Variants in CPED1 observed in about 807,000 individuals in gnomAD.
The protein encoded by CPED1 is cadherin-like and PC-esterase domain-containing protein 1.
Under a neutral mutation model 128.2 loss-of-function variants are expected in CPED1, and 114 were observed. That is an observed-to-expected ratio of 0.89 (90% CI 0.76 to 1.04). CPED1 has a LOEUF of 1.04. Ranked by LOEUF, CPED1 falls within the 50% of genes least tolerant of loss-of-function variation. The pLI, the probability that CPED1 is intolerant of heterozygous loss-of-function variation, is 0.00. For synonymous variants in CPED1, 462 were observed against 426.7 expected, an observed-to-expected ratio of 1.08 and a Z score of -1.02; for missense variants, 1,211 against 1,207.1, an observed-to-expected ratio of 1.00 and a Z score of -0.05.
At chr7:120,990,564 T>C (rs1385277652) in intron 2 of CPED1, among the ~76,000 whole-genome samples, 1 of 152,140 alleles carries the variant, frequency 6.6e-6, no homozygotes, top group Non-Finnish European at 1.5e-5. Flanking sequence ...ATTTCTATTT[T>C]AATATACCAC....
Position 121,130,267 on chromosome 7 carries a change from A to C in CPED1, c.1550A>C (p.Lys517Thr), listed in dbSNP as rs149346746. Residue 517 changes from lysine (K) to threonine (T), a missense_variant, in exon 12 of 23, where the codon AAA (lysine) becomes ACA (threonine). Coordinates refer to ENST00000310396, the MANE Select transcript of CPED1 (RefSeq NM_024913.5). ...TTTGAACAATTTCAGTTCATGAATAAAAAGACACAGCCACATCCACTGGAA... is the reference window on the plus strand; with the variant it reads ...TTTGAACAATTTCAGTTCATGAATACAAAGACACAGCCACATCCACTGGAA... ...NVFEQFQFMN[K>T]KTQPHPLEWN... The C allele has an allele frequency of 1.2e-6, 2 of 1,606,748 alleles. No homozygotes were observed. The highest frequency in any genetic ancestry group is 1.7e-5 in the Admixed American group (1 of 58,914).
At position 121,047,009 on chromosome 7, in the gene CPED1, A is replaced by G; in HGVS notation, c.540+16A>G. ...ACATCAAAAGGTAAATACTCTCAAG[A>G]TGTGCACAGATTTTATCAGCCCTAC... is the stretch of plus-strand genomic sequence containing the variant. On this transcript the variant is annotated intron_variant, in intron 4 of 22. Transcript: ENST00000310396. 1.3e-6 allele frequency: 2 copies of G among 1,496,084 alleles called. No homozygotes were observed. Among genetic ancestry groups the G allele is most frequent in the East Asian group, 4.5e-5 (2 of 44,194 alleles). The allele number at this position is 1,496,084 out of a possible 1,614,324, so 92.7% of individuals were successfully genotyped here. A position where few individuals can be genotyped will look rare whatever the true frequency, so the allele number is the denominator to read the frequency against.
At chr7:121,120,996 C>T (rs879696495) in intron 7 of CPED1, among the ~76,000 whole-genome samples, 2 of 115,624 alleles carry the variant, frequency 1.7e-5, no homozygotes, top group African/African-American at 6.2e-5. Context: ...AACAAAAAAA[C>T]TCACAGTCTA....
At chr7:121,216,252 C>G (rs1000370290) in intron 16 of CPED1, among the ~76,000 whole-genome samples, 1 of 140,366 alleles carries the variant, frequency 7.1e-6, no homozygotes, top group East Asian at 2.0e-4. Flanking sequence ...GTCTTGTGTG[C>G]GTGGCTTCCA....
rs574561567 is a variant in CPED1 at position 121,243,747 on chromosome 7, C to A, written c.2174-455C>A. 2.4e-4 allele frequency among the ~76,000 whole-genome samples: 37 copies of A among 152,252 alleles called. No homozygotes were observed. The South Asian group carries it at 3.7e-3, about 15-fold the overall frequency. On this transcript the variant is annotated intron_variant, in intron 17 of 22. Transcript: ENST00000310396. ...AAATTATCATCATACTGAAGTAGTTCTCTTGTATCTTAAATCCCTTGAGAG... is the reference window on the plus strand; with the variant it reads ...AAATTATCATCATACTGAAGTAGTTATCTTGTATCTTAAATCCCTTGAGAG...
intron 7 of CPED1, among the ~76,000 whole-genome samples, chr7:121,104,544 T>A (rs1794925442): frequency 6.6e-6 from 1 of 152,150 alleles, no homozygotes; most frequent in Non-Finnish European, 1.5e-5. Context: ...ACTATTTTTA[T>A]GAAAATGTAT....
intron 5 of CPED1, among the ~76,000 whole-genome samples, chr7:121,090,398 G>A (rs564047090): frequency 3.9e-5 from 6 of 152,234 alleles, no homozygotes; most frequent in Middle Eastern, 3.4e-3. Flanking sequence ...CATACTATTC[G>A]TATTTGTGGT....
At chr7:121,020,883 T>A (rs998825062) in intron 3 of CPED1, among the ~76,000 whole-genome samples, 4 of 151,932 alleles carry the variant, frequency 2.6e-5, no homozygotes, top group Non-Finnish European at 5.9e-5. Flanking sequence ...TAAACAACAG[T>A]AAGTTATGCA....
intron 16 of CPED1, among the ~76,000 whole-genome samples, chr7:121,168,602 G>A (rs1011355611): frequency 6.6e-6 from 1 of 152,058 alleles, no homozygotes; most frequent in Non-Finnish European, 1.5e-5. Flanking sequence ...ATCCAATTAC[G>A]CTCTTTAAGT....
chr7:121,122,138 G>GA (rs1250244641), intron 7 of CPED1, among the ~76,000 whole-genome samples: 2 of 76,960 alleles, frequency 2.6e-5, no homozygotes, highest in Admixed American at 4.1e-4. Context: ...CACTCATCTG[G>GA]ATTTTTTTTT....
At chr7:120,991,240 C>T (rs1485048894) in intron 2 of CPED1, among the ~76,000 whole-genome samples, 1 of 152,190 alleles carries the variant, frequency 6.6e-6, no homozygotes, top group African/African-American at 2.4e-5. Flanking sequence ...CAAGAACTAT[C>T]TTATGACAAA....
At chr7:121,144,640 A>G (rs1336749581) in intron 16 of CPED1, among the ~76,000 whole-genome samples, 2 of 152,038 alleles carry the variant, frequency 1.3e-5, no homozygotes, top group Non-Finnish European at 2.9e-5. Context: ...TGTAGTTAGC[A>G]GTAATTCATG....
At chr7:120,998,729 A>G (rs1042759916) in intron 2 of CPED1, among the ~76,000 whole-genome samples, 4 of 152,154 alleles carry the variant, frequency 2.6e-5, no homozygotes, top group Non-Finnish European at 4.4e-5. Context: ...GAATCTTTTG[A>G]AACAAAACCA....
intron 16 of CPED1, among the ~76,000 whole-genome samples, chr7:121,227,229 C>T (rs184206300): frequency 1.3e-5 from 2 of 152,120 alleles, no homozygotes; most frequent in Non-Finnish European, 2.9e-5. Flanking sequence ...GGCCCTTTCT[C>T]TGCAGCTGGG....
At chr7:121,184,234 G>C (rs1421992008) in intron 16 of CPED1, among the ~76,000 whole-genome samples, 1 of 152,014 alleles carries the variant, frequency 6.6e-6, no homozygotes, top group African/African-American at 2.4e-5. Flanking sequence ...TGGGAGTTTT[G>C]ATTTAGCCAT....
At chr7:121,130,042 A>C in intron 11 of CPED1, 83 bp from the exon 12 acceptor site, 1 of 1,097,974 alleles carries the variant, frequency 9.1e-7, no homozygotes. Context: ...TTTTTAAATA[A>C]ATGACTAAGT....
intron 4 of CPED1, among the ~76,000 whole-genome samples, chr7:121,061,717 T>C (rs1793677557): frequency 6.6e-6 from 1 of 152,238 alleles, no homozygotes; most frequent in Admixed American, 6.5e-5. Context: ...CCTTTGATGA[T>C]GTTCCACTTA....
At chr7:121,258,753 A>T (rs188230574) in intron 18 of CPED1, among the ~76,000 whole-genome samples, 3 of 152,098 alleles carry the variant, frequency 2.0e-5, no homozygotes, top group African/African-American at 7.2e-5. Context: ...CTAAATACAC[A>T]GTTTTAACAA....
At chr7:121,097,994 C>T (rs182733513) in intron 6 of CPED1, among the ~76,000 whole-genome samples, 163 bp downstream of exon 6, 1 of 152,196 alleles carries the variant, frequency 6.6e-6, no homozygotes, top group Non-Finnish European at 1.5e-5. Flanking sequence ...CCATCATTGA[C>T]TTTCTCCTAG....
Sources: allele counts gnomAD v4.1 joint callset (sites outside exome capture counted in the v4.1 genomes callset), GRCh38; gene constraint gnomAD v4.1.1; transcripts MANE v1.5; gene names NCBI Gene and HGNC (gene_info 2026-07-23, HGNC 2026-07-21).